The following SH3BGRL2 variants were observed in gnomAD, a reference collection of about 807,000 sequenced individuals.
SH3BGRL2 encodes the protein SH3 domain binding glutamate rich protein like 2.
Under a neutral mutation model 14.8 loss-of-function variants are expected in SH3BGRL2, and 21 were observed. The ratio of observed to expected loss-of-function variants is 1.42; its 90% CI spans 1.01 to 2.05. The LOEUF is 2.05. SH3BGRL2 is among the 30% of genes most tolerant of loss of function. The pLI is 0.00. For missense variants in SH3BGRL2, 147 were observed against 130.8 expected (o/e 1.12, Z -0.61); for synonymous variants, 50 against 47.8 (o/e 1.05, Z -0.19).
the SH3BGRL2 span, among the ~76,000 whole-genome samples, chr6:79,604,108 C>T: frequency 1.7e-4 from 26 of 152,060 alleles, no homozygotes; most frequent in Non-Finnish European, 3.5e-4. Context: ...CCTGGCCTGA[C>T]CACTTTTCAA....
chr6:79,544,924 T>G, the SH3BGRL2 span, among the ~76,000 whole-genome samples: 4 of 152,342 alleles, frequency 2.6e-5, no homozygotes, highest in East Asian at 7.7e-4. Flanking sequence ...TGTTTTTAAT[T>G]ATTTAAAATT....
intron 2 of SH3BGRL2, among the ~76,000 whole-genome samples, chr6:79,690,840 CCTG>C (rs1327842228): frequency 6.6e-6 from 1 of 152,090 alleles, no homozygotes; most frequent in African/African-American, 2.4e-5. Context: ...TTGCTTGAGC[CCTG>C]GAGTTCAAGA....
the SH3BGRL2 span, chr6:79,553,065 G>T: frequency 6.6e-6 from 1 of 152,190 alleles, no homozygotes; most frequent in African/African-American, 2.4e-5. Flanking sequence ...GAGTATTCAA[G>T]TTTTAGAATG....
chr6:79,696,559 A>G lies in SH3BGRL2; in HGVS notation c.306A>G (p.Ala102=). Residue 102 remains alanine, a synonymous_variant, in exon 3 of 4, where the codon GCA becomes GCG. Coordinates refer to ENST00000369838, the MANE Select transcript of SH3BGRL2 (RefSeq NM_031469.4). The part of the protein sequence containing the change: ...FSFLGLKPRL[A]SKAEP The stretch of plus-strand genomic sequence containing the variant: ...TTTTAGGCCTGAAACCACGGTTGGC[A>G]TCAAAGGTAGGTAAATCTTTTCTTA... The G allele has an allele frequency of 6.4e-7, 1 of 1,563,972 alleles. No individual in the cohort carries two copies.
intron 2 of SH3BGRL2, among the ~76,000 whole-genome samples, chr6:79,682,205 A>G (rs531330432): frequency 6.6e-6 from 1 of 152,344 alleles, no homozygotes; most frequent in Non-Finnish European, 1.5e-5. Flanking sequence ...AGGAAGTTTG[A>G]CAAATGAGAA....
chr6:79,582,446 C>T, the SH3BGRL2 span, among the ~76,000 whole-genome samples: 9 of 152,108 alleles, frequency 5.9e-5, 1 homozygote, highest in East Asian at 1.5e-3. Flanking sequence ...ATATATAGAA[C>T]AATGGAACAG....
chr6:79,661,631 T>C (rs570915701), intron 1 of SH3BGRL2, among the ~76,000 whole-genome samples: 1 of 152,340 alleles, frequency 6.6e-6, no homozygotes, highest in African/African-American at 2.4e-5. Context: ...AAGAGTTCTG[T>C]AGATGTCTAT....
intron 2 of SH3BGRL2, among the ~76,000 whole-genome samples, chr6:79,690,914 G>A (rs1770200954): frequency 6.6e-6 from 1 of 152,068 alleles, no homozygotes; most frequent in African/African-American, 2.4e-5. Flanking sequence ...TTGTAGAGGG[G>A]GTTTTCTCTA....
At chr6:79,634,082 TG>T (rs769175605) in intron 1 of SH3BGRL2, among the ~76,000 whole-genome samples, 1 of 152,216 alleles carries the variant, frequency 6.6e-6, no homozygotes, top group East Asian at 1.9e-4. Flanking sequence ...AAGGAAGGGA[TG>T]TGACCAGAAT....
the SH3BGRL2 span, among the ~76,000 whole-genome samples, chr6:79,540,135 G>A: frequency 5.9e-5 from 9 of 152,058 alleles, no homozygotes; most frequent in Non-Finnish European, 1.3e-4. Context: ...TGAGTTGGGT[G>A]TAAAGAACAG....
the SH3BGRL2 span, among the ~76,000 whole-genome samples, chr6:79,591,726 A>C: frequency 6.6e-6 from 1 of 152,162 alleles, no homozygotes; most frequent in African/African-American, 2.4e-5. Context: ...GAATTTTTTC[A>C]TACCAAAGGA....
intron 1 of SH3BGRL2, among the ~76,000 whole-genome samples, chr6:79,664,000 T>G (rs1401720070): frequency 6.6e-6 from 1 of 152,252 alleles, no homozygotes; most frequent in Non-Finnish European, 1.5e-5. Context: ...TCTCCTAGTC[T>G]GTCAGTTGCT....
intron 1 of SH3BGRL2, among the ~76,000 whole-genome samples, chr6:79,670,983 A>G (rs1769760207): frequency 6.8e-6 from 1 of 146,514 alleles, no homozygotes; most frequent in Non-Finnish European, 1.5e-5. Flanking sequence ...GTGATTAACA[A>G]TAGAGGTGTT....
At chr6:79,655,696 C>A (rs1562148852) in intron 1 of SH3BGRL2, among the ~76,000 whole-genome samples, 1 of 152,176 alleles carries the variant, frequency 6.6e-6, no homozygotes, top group Non-Finnish European at 1.5e-5. Flanking sequence ...ATATGTGATC[C>A]TTTATGACTG....
At position 79,673,633 on chromosome 6, in the gene SH3BGRL2, A is replaced by G; in HGVS notation, c.65A>G (p.Asp22Gly). ...GFVAIKKKQQ[D>G]VVRFLEANKI... ...CTTTAGATAAAGAAGAAGCAGCAAG[A>G]TGTGGTTAGATTTCTGGAAGCCAAC... Residue 22 changes from aspartate (D) to glycine (G), a missense_variant, in exon 2 of 4, where the codon GAT becomes GGT. Coordinates refer to ENST00000369838, the MANE Select transcript of SH3BGRL2 (RefSeq NM_031469.4). The G allele has an allele frequency of 6.2e-7, 1 of 1,613,958 alleles. No homozygotes were observed. Among genetic ancestry groups the G allele is most frequent in the Non-Finnish European group, 8.5e-7 (1 of 1,179,948 alleles).
At chr6:79,581,386 C>G in the SH3BGRL2 span, among the ~76,000 whole-genome samples, 1 of 152,102 alleles carries the variant, frequency 6.6e-6, no homozygotes, top group Non-Finnish European at 1.5e-5. Context: ...TGCAAAAATC[C>G]TCAATAAAAT....
the SH3BGRL2 span, among the ~76,000 whole-genome samples, chr6:79,606,982 A>C: frequency 6.6e-6 from 1 of 152,206 alleles, no homozygotes; most frequent in East Asian, 1.9e-4. Context: ...CACTCCTCCC[A>C]GTACATTTTT....
chr6:79,696,344 A>G, intron 2 of SH3BGRL2, 141 bp from the exon 3 acceptor site: 1 of 588,686 alleles, frequency 1.7e-6, no homozygotes, highest in South Asian at 2.4e-5. Flanking sequence ...AGACTAATTC[A>G]GCAGATTTAT....
the SH3BGRL2 span, among the ~76,000 whole-genome samples, chr6:79,594,082 A>C: frequency 6.6e-6 from 1 of 152,040 alleles, no homozygotes; most frequent in Non-Finnish European, 1.5e-5. Flanking sequence ...GCAGATGATA[A>C]AATAATGTTT....
Sources: gnomAD v4.1 joint callset for allele counts (sites outside exome capture counted in the v4.1 genomes callset) on GRCh38, gnomAD v4.1.1 for gene constraint, MANE v1.5 for transcripts, NCBI Gene and HGNC (gene_info 2026-07-23, HGNC 2026-07-21) for gene names.